NOPCHAP1: variants seen among roughly 807,000 people sequenced by gnomAD.
NOPCHAP1 encodes NOP protein chaperone 1.
NOPCHAP1 carries 13 observed loss-of-function variants against 14.0 expected under a neutral mutation model. The observed-to-expected ratio is 0.93, with a 90% CI of 0.60 to 1.47. NOPCHAP1 has a LOEUF of 1.47. Among genes scored for constraint, NOPCHAP1 ranks in the 40% most tolerant of loss-of-function variants. The probability of loss-of-function intolerance (pLI) is 0.00; values close to 1 mark genes in which losing one functional copy is unlikely to be tolerated. For synonymous variants in NOPCHAP1, 78 were observed against 78.4 expected (o/e 1.00, Z 0.03); for missense variants, 230 against 226.9 (o/e 1.01, Z -0.09).
rs1424316795 is a variant in NOPCHAP1, at chr12:104,991,722, G to C, written c.213G>C (p.Gln71His). The change falls in exon 3 of 4, where the codon CAG (glutamine) becomes CAC (histidine). Residue 71 changes from glutamine to histidine, a missense_variant. Gln to His is a conservative substitution (Grantham distance 24). Coordinates refer to ENST00000552951, the MANE Select transcript of NOPCHAP1 (RefSeq NM_152318.3). ...VRIERSPLLD[Q>H]VQTFLPQMAR... ...ATTTACTTTCCACAGTATTGGACCA[G>C]GTACAGACATTTCTCCCACAGATGG... 1 of 1,612,130 alleles carries C rather than the reference G, an allele frequency of 6.2e-7. No homozygotes were observed. Among genetic ancestry groups the C allele is most frequent in the Admixed American group, 1.7e-5 (1 of 59,408 alleles).
In NOPCHAP1 at chr12:105,003,178, G is replaced by A. The variant is rs1347339318; in HGVS notation, c.*8482G>A. On this transcript the variant is annotated 3_prime_UTR_variant, in exon 4 of 4. Transcript: ENST00000552951. Reference sequence around the variant, plus strand: ...TGAAGCATTTTGGATTCTTTCTTTTGTAGTGTGCCTTGCAAGTGAACAAGT... The same window carrying A: ...TGAAGCATTTTGGATTCTTTCTTTTATAGTGTGCCTTGCAAGTGAACAAGT... 6.6e-6 allele frequency: 1 copy of A among 152,132 alleles called. No individual in the cohort carries two copies. The highest frequency in any genetic ancestry group is 6.5e-5 in the Admixed American group (1 of 15,274). The allele number at this position is 152,132 out of a possible 1,614,324, so 9.4% of individuals were successfully genotyped here. A position where few individuals can be genotyped will look rare whatever the true frequency, so the allele number is the denominator to read the frequency against.
rs978329141 is a variant in NOPCHAP1 at position 104,997,063 on chromosome 12, T to TG, written c.*2371dup. 3.2e-4 allele frequency: 48 copies of TG among 152,356 alleles called. No individual in the cohort carries two copies. Among genetic ancestry groups the TG allele is most frequent in the African/African-American group, 1.1e-3 (47 of 41,578 alleles). The allele number at this position is 152,356 out of a possible 1,614,324, so 9.4% of individuals were successfully genotyped here. A position where few individuals can be genotyped will look rare whatever the true frequency, so the allele number is the denominator to read the frequency against. On this transcript the variant is annotated 3_prime_UTR_variant, in exon 4 of 4. Transcript: ENST00000552951. ...AAGTTGCCACACTGTTTCTTTTGATTGGGGCATTTAGCCCATTTACATTCA... is the reference window on the plus strand; with the variant it reads ...AAGTTGCCACACTGTTTCTTTTGATTGGGGGCATTTAGCCCATTTACATTCA...
Position 105,009,283 on chromosome 12 carries a change from A to G in NOPCHAP1, c.*14587A>G, listed in dbSNP as rs1873767716. On this transcript the variant is annotated 3_prime_UTR_variant, in exon 4 of 4. Coordinates refer to ENST00000552951, the MANE Select transcript of NOPCHAP1 (RefSeq NM_152318.3). Reference sequence around the variant, plus strand: ...TGATTTGGCTCTCTGTTATTGGTATATAGGAATGCTTGTGATTTTTTGCAC... The same window carrying G: ...TGATTTGGCTCTCTGTTATTGGTATGTAGGAATGCTTGTGATTTTTTGCAC... The G allele has an allele frequency of 6.6e-6, 1 of 152,142 alleles. No individual in the cohort carries two copies. Among genetic ancestry groups the G allele is most frequent in the Non-Finnish European group, 1.5e-5 (1 of 68,028 alleles). The allele number at this position is 152,142 out of a possible 1,614,324, so 9.4% of individuals were successfully genotyped here.
At position 104,998,696 on chromosome 12, in the gene NOPCHAP1, T is replaced by A. The variant is rs1257213652; in HGVS notation, c.*4000T>A. ...AGCAGTGGGGTGCGGTGCACACTCA[T>A]CAGCTTCAGAGGGGTGCTGGCAGTT... On this transcript the variant is annotated 3_prime_UTR_variant, in exon 4 of 4. Transcript: ENST00000552951. 1 of 152,482 alleles carries A rather than the reference T, an allele frequency of 6.6e-6. No individual in the cohort carries two copies. The highest frequency in any genetic ancestry group is 1.5e-5 in the Non-Finnish European group (1 of 68,224). 9.4% of individuals were successfully genotyped at this position (152,482 alleles called of 1,614,324 possible). A position where few individuals can be genotyped will look rare whatever the true frequency, so the allele number is the denominator to read the frequency against.
At position 105,010,673 on chromosome 12, in the gene NOPCHAP1, G is replaced by A. The variant is rs1017109280; in HGVS notation, c.*15977G>A. 1 of 152,106 alleles carries A rather than the reference G, an allele frequency of 6.6e-6. No individual in the cohort carries two copies. Among genetic ancestry groups the A allele is most frequent in the African/African-American group, 2.4e-5 (1 of 41,410 alleles). The allele number at this position is 152,106 out of a possible 1,614,324, so 9.4% of individuals were successfully genotyped here. ...TGTGTCCCAGAGATTCTGGTATGTT[G>A]TGTCTTTGTTCTCATTGGTTTCAAA... On this transcript the variant is annotated 3_prime_UTR_variant, in exon 4 of 4. Coordinates refer to ENST00000552951, the MANE Select transcript of NOPCHAP1 (RefSeq NM_152318.3).
rs183518599 is a variant in NOPCHAP1 at position 104,991,897 on chromosome 12, C to T, written c.339+49C>T. ...GGTGAAATTACTGGTCTGCCTGTCA[C>T]CTAAGAAGAAGAGAACTTTTCCATT... On this transcript the variant is annotated intron_variant, in intron 3 of 3. Transcript: ENST00000552951. The T allele has an allele frequency of 2.9e-4, 452 of 1,540,520 alleles. 2 individuals carry two copies. The African/African-American group carries it at 5.3e-3, about 18-fold the overall frequency.
chr12:104,998,492 G>A lies in NOPCHAP1; in HGVS notation c.*3796G>A, dbSNP rs1454853919. 1 of 152,230 alleles carries A rather than the reference G, an allele frequency of 6.6e-6. No individual in the cohort carries two copies. The highest frequency in any genetic ancestry group is 1.9e-4 in the East Asian group (1 of 5,192). 9.4% of individuals were successfully genotyped at this position (152,230 alleles called of 1,614,324 possible). On this transcript the variant is annotated 3_prime_UTR_variant, in exon 4 of 4. Transcript: ENST00000552951. The stretch of plus-strand genomic sequence containing the variant: ...CTGGACTGTATGCTGTAATTCTGGG[G>A]GGCTGATATCAGGCCCCTGGCTTTG...
chr12:105,002,485 A>G lies in NOPCHAP1; in HGVS notation c.*7789A>G, dbSNP rs1873627528. 6.6e-6 allele frequency: 1 copy of G among 152,148 alleles called. No individual in the cohort carries two copies. The highest frequency in any genetic ancestry group is 1.5e-5 in the Non-Finnish European group (1 of 68,018). The allele number at this position is 152,148 out of a possible 1,614,324, so 9.4% of individuals were successfully genotyped here. A position where few individuals can be genotyped will look rare whatever the true frequency, so the allele number is the denominator to read the frequency against. ...TTTTACAAATAGTCTTTCTGAATGG[A>G]CCCTGTAATCTGAAACTGGTTCATT... On this transcript the variant is annotated 3_prime_UTR_variant, in exon 4 of 4. Coordinates refer to ENST00000552951, the MANE Select transcript of NOPCHAP1 (RefSeq NM_152318.3).
intron 2 of NOPCHAP1, among the ~76,000 whole-genome samples, chr12:104,990,093 A>T (rs1002241124): frequency 6.6e-6 from 1 of 151,100 alleles, no homozygotes; most frequent in Non-Finnish European, 1.5e-5. Flanking sequence ...CTCTTTATGG[A>T]TTATGTTTTC....
At position 105,008,102 on chromosome 12, in the gene NOPCHAP1, T is replaced by C. The variant is rs543441874; in HGVS notation, c.*13406T>C. ...CTGTCTTCCACAATGGTTGAACTAA[T>C]TTACAATCCCACCAACAGTGAAAAG... On this transcript the variant is annotated 3_prime_UTR_variant, in exon 4 of 4. Transcript: ENST00000552951. The C allele has an allele frequency of 2.0e-5, 3 of 152,348 alleles. No homozygotes were observed. The East Asian group carries it at 5.8e-4, about 29-fold the overall frequency. 9.4% of individuals were successfully genotyped at this position (152,348 alleles called of 1,614,324 possible).
intron 3 of NOPCHAP1, among the ~76,000 whole-genome samples, chr12:104,993,127 C>T (rs1873419644): frequency 6.6e-6 from 1 of 152,162 alleles, no homozygotes; most frequent in South Asian, 2.1e-4. Flanking sequence ...TTTTATCCTG[C>T]TTTATTTTTC....
At position 105,012,535 on chromosome 12, in the gene NOPCHAP1, G is replaced by A. The variant is rs957785849; in HGVS notation, c.*17839G>A. ...TGTCCAGTTTTGTTTCCTTGCTGGT[G>A]AGGAGTTGTGATCCTTTGGAGGAGA... On this transcript the variant is annotated 3_prime_UTR_variant, in exon 4 of 4. Coordinates refer to ENST00000552951, the MANE Select transcript of NOPCHAP1 (RefSeq NM_152318.3). 4.6e-5 allele frequency: 7 copies of A among 152,330 alleles called. 1 individual carries two copies. Among genetic ancestry groups the A allele is most frequent in the Admixed American group, 1.3e-4 (2 of 15,300 alleles). 9.4% of individuals were successfully genotyped at this position (152,330 alleles called of 1,614,324 possible).
rs1215569329 is a variant in NOPCHAP1, at chr12:105,010,451, AG to A, written c.*15758del. The A allele has an allele frequency of 2.0e-5, 3 of 152,248 alleles. No individual in the cohort carries two copies. The highest frequency in any genetic ancestry group is 2.0e-4 in the Admixed American group (3 of 15,288). 9.4% of individuals were successfully genotyped at this position (152,248 alleles called of 1,614,324 possible). A position where few individuals can be genotyped will look rare whatever the true frequency, so the allele number is the denominator to read the frequency against. Reference sequence around the variant, plus strand: ...GCTCCTGGATTCGTGGATTTTTTGAAGGGTTTTTTGTGTCTCTATCTCCTTC... The same window carrying A: ...GCTCCTGGATTCGTGGATTTTTTGAAGGTTTTTTGTGTCTCTATCTCCTTC... On this transcript the variant is annotated 3_prime_UTR_variant, in exon 4 of 4. Coordinates refer to ENST00000552951, the MANE Select transcript of NOPCHAP1 (RefSeq NM_152318.3).
At chr12:104,989,758 C>T (rs1020089449) in intron 2 of NOPCHAP1, among the ~76,000 whole-genome samples, 1 of 152,180 alleles carries the variant, frequency 6.6e-6, no homozygotes, top group African/African-American at 2.4e-5. Context: ...CTAATTTTGC[C>T]AGTTGAGGTT....
At position 105,008,547 on chromosome 12, in the gene NOPCHAP1, A is replaced by T. The variant is rs1409156201; in HGVS notation, c.*13851A>T. 6.6e-6 allele frequency: 1 copy of T among 152,156 alleles called. No individual in the cohort carries two copies. Among genetic ancestry groups the T allele is most frequent in the Non-Finnish European group, 1.5e-5 (1 of 68,040 alleles). 9.4% of individuals were successfully genotyped at this position (152,156 alleles called of 1,614,324 possible). A position where few individuals can be genotyped will look rare whatever the true frequency, so the allele number is the denominator to read the frequency against. On this transcript the variant is annotated 3_prime_UTR_variant, in exon 4 of 4. Coordinates refer to ENST00000552951, the MANE Select transcript of NOPCHAP1 (RefSeq NM_152318.3). Reference sequence around the variant, plus strand: ...CATTGCTTTTGGTGTTTAGTCATGAAGTCTCTGCCAATGTCTGTGTCCTAA... The same window carrying T: ...CATTGCTTTTGGTGTTTAGTCATGATGTCTCTGCCAATGTCTGTGTCCTAA...
At chr12:104,991,375 C>G (rs929386809) in intron 2 of NOPCHAP1, among the ~76,000 whole-genome samples, 1 of 152,162 alleles carries the variant, frequency 6.6e-6, no homozygotes, top group Non-Finnish European at 1.5e-5. Flanking sequence ...CTGTACATAC[C>G]TAGTTATTCG....
chr12:104,988,130 T>A, intron 1 of NOPCHAP1, 37 bp from the exon 2 acceptor site: 1 of 1,482,908 alleles, frequency 6.7e-7, no homozygotes, highest in Non-Finnish European at 9.4e-7. Flanking sequence ...TTTTATGCTG[T>A]AGTAAATTAA....
chr12:104,987,225 TTA>T (rs1365026740), intron 1 of NOPCHAP1, among the ~76,000 whole-genome samples: 1 of 152,224 alleles, frequency 6.6e-6, no homozygotes. Flanking sequence ...TAACCAAAGC[TTA>T]TGTAGTCCTT....
In NOPCHAP1 at chr12:105,013,612, G is replaced by A. The variant is rs953841261; in HGVS notation, c.*18916G>A. On this transcript the variant is annotated 3_prime_UTR_variant, in exon 4 of 4. Transcript: ENST00000552951. ...TGAAACCCAGGGCCCTGGTGGTGTA[G>A]GCACCCGAGGGAATCTCCTGGTCTG... 6.6e-6 allele frequency: 1 copy of A among 152,532 alleles called. No homozygotes were observed. The highest frequency in any genetic ancestry group is 2.4e-5 in the African/African-American group (1 of 41,456). The allele number at this position is 152,532 out of a possible 1,614,324, so 9.4% of individuals were successfully genotyped here.
Sources: gnomAD v4.1 joint callset for allele counts (sites outside exome capture counted in the v4.1 genomes callset) on GRCh38, gnomAD v4.1.1 for gene constraint, MANE v1.5 for transcripts, NCBI Gene and HGNC (gene_info 2026-07-23, HGNC 2026-07-21) for gene names.